Variants in ZFHX3 observed in about 807,000 individuals in gnomAD.
The protein encoded by ZFHX3 is zinc finger homeobox 3, also known as zinc finger homeobox protein 3.
ZFHX3 carries 42 observed loss-of-function variants against 279.1 expected under a neutral mutation model. That is an observed-to-expected ratio of 0.15 (90% CI 0.12 to 0.19). The LOEUF is 0.19. ZFHX3 is among the 10% of genes least tolerant of loss of function. The pLI, the probability that ZFHX3 is intolerant of heterozygous loss-of-function variation, is 1.00. For missense variants in ZFHX3, 4,981 were observed against 4,754.0 expected, an observed-to-expected ratio of 1.05 and a Z score of -1.40; for synonymous variants, 2,293 against 1,957.8, an observed-to-expected ratio of 1.17 and a Z score of -4.52.
intron 1 of ZFHX3, among the ~76,000 whole-genome samples, chr16:73,846,531 G>C (rs1017172018): frequency 1.3e-4 from 20 of 152,142 alleles, no homozygotes; most frequent in Admixed American, 9.8e-4. Flanking sequence ...AGCTGAAATT[G>C]AGAGGCTTTG....
intron 2 of ZFHX3, among the ~76,000 whole-genome samples, chr16:73,586,150 A>G (rs1231426284): frequency 6.6e-6 from 1 of 152,122 alleles, no homozygotes; most frequent in Non-Finnish European, 1.5e-5. Context: ...GCACTTTGGG[A>G]GGCTAAGACA....
At chr16:73,785,731 A>C (rs1483909562) in intron 1 of ZFHX3, among the ~76,000 whole-genome samples, 1 of 152,130 alleles carries the variant, frequency 6.6e-6, no homozygotes, top group African/African-American at 2.4e-5. Context: ...TTATCTTCTC[A>C]TTTCCAGAGC....
At chr16:73,337,447 C>T (rs891179583) in intron 3 of ZFHX3, among the ~76,000 whole-genome samples, 3 of 152,106 alleles carry the variant, frequency 2.0e-5, no homozygotes, top group African/African-American at 7.2e-5. Flanking sequence ...TCTTCATCAC[C>T]TCCCGTTACT....
At chr16:72,807,500 C>T (rs2036300902) in intron 7 of ZFHX3, 1 of 152,160 alleles carries the variant, frequency 6.6e-6, no homozygotes, top group African/African-American at 2.4e-5. Flanking sequence ...GCAGCTGTTA[C>T]CATAGCAACA....
intron 1 of ZFHX3, among the ~76,000 whole-genome samples, chr16:73,701,715 A>G (rs576099485): frequency 6.6e-5 from 10 of 152,260 alleles, no homozygotes; most frequent in African/African-American, 2.2e-4. Flanking sequence ...ACCCTGCTAC[A>G]TAATTCTAAA....
chr16:72,881,076 C>G (rs963045966), intron 4 of ZFHX3, among the ~76,000 whole-genome samples: 1 of 152,196 alleles, frequency 6.6e-6, no homozygotes, highest in South Asian at 2.1e-4. Context: ...TAGCCCCAAA[C>G]CTAGCCTGGG....
intron 1 of ZFHX3, among the ~76,000 whole-genome samples, chr16:73,785,296 T>C (rs971264007): frequency 2.0e-5 from 3 of 152,210 alleles, no homozygotes; most frequent in African/African-American, 7.2e-5. Flanking sequence ...TGCTTTTCTG[T>C]CTGCTCTGTT....
At chr16:73,346,099 T>C (rs1057372741) in intron 3 of ZFHX3, among the ~76,000 whole-genome samples, 1 of 152,180 alleles carries the variant, frequency 6.6e-6, no homozygotes, top group South Asian at 2.1e-4. Context: ...CTGCACCTTT[T>C]GATCAGCCCC....
chr16:72,866,215 T>G (rs116271262), intron 4 of ZFHX3, among the ~76,000 whole-genome samples: 1,970 of 152,296 alleles, frequency 0.013, 34 homozygotes, highest in African/African-American at 0.044. Flanking sequence ...GTGAGAGCAG[T>G]AGCCAGAGAG....
intron 7 of ZFHX3, among the ~76,000 whole-genome samples, chr16:73,109,684 A>G (rs183205488): frequency 1.3e-3 from 204 of 152,220 alleles, no homozygotes; most frequent in African/African-American, 4.7e-3. Context: ...GCCCATCTCT[A>G]CAAAAACCAC....
intron 6 of ZFHX3, among the ~76,000 whole-genome samples, chr16:73,143,014 A>C (rs1428744555): frequency 2.0e-5 from 3 of 152,120 alleles, no homozygotes; most frequent in African/African-American, 7.2e-5. Flanking sequence ...GGTGGTGCTT[A>C]AGTAGAACCA....
At chr16:73,237,489 A>G (rs1276355923) in intron 5 of ZFHX3, among the ~76,000 whole-genome samples, 1 of 150,530 alleles carries the variant, frequency 6.6e-6, no homozygotes, top group East Asian at 1.9e-4. Context: ...ATCCTCCTCC[A>G]AATTGCTGGA....
At chr16:73,615,145 G>GAA (rs59282703) in intron 2 of ZFHX3, among the ~76,000 whole-genome samples, 11 of 101,450 alleles carry the variant, frequency 1.1e-4, no homozygotes, top group African/African-American at 2.6e-4. Flanking sequence ...AGCTATTAAA[G>GAA]AAAAAAAAAA....
chr16:72,798,862 G>A (rs1483159350), intron 8 of ZFHX3, 148 bp from the exon 9 acceptor site: 12 of 1,373,700 alleles, frequency 8.7e-6, no homozygotes, highest in Admixed American at 6.5e-5. Flanking sequence ...GAATCTCTGC[G>A]GAGCGCCTCC....
intron 7 of ZFHX3, among the ~76,000 whole-genome samples, chr16:73,114,338 CT>C (rs965740541): frequency 1.3e-5 from 2 of 152,062 alleles, no homozygotes; most frequent in Admixed American, 1.3e-4. Flanking sequence ...CTAAAGTTAC[CT>C]TTTTAATATT....
rs144953433 is a variant in ZFHX3 at position 73,788,824 on chromosome 16, A to C, written c.-1608+102827T>G. On this transcript the variant is annotated intron_variant, in intron 1 of 17. Coordinates refer to the ZFHX3 transcript ENST00000641206. ...CCCATCTCTACTAAAAATGCAAAAA[A>C]TTAGCTGGGTGTGCCGGCACGTGCC... is the stretch of plus-strand genomic sequence containing the variant. Among the ~76,000 whole-genome samples the C allele has an allele frequency of 5.5e-3, 830 of 151,498 alleles. 7 individuals are homozygous for C. The highest frequency in any genetic ancestry group is 0.019 in the African/African-American group (790 of 41,408).
intron 1 of ZFHX3, among the ~76,000 whole-genome samples, chr16:73,705,055 C>G (rs571732924): frequency 6.6e-6 from 1 of 152,068 alleles, no homozygotes; most frequent in Non-Finnish European, 1.5e-5. Flanking sequence ...GTGTAAACAC[C>G]ATTCAATAGT....
At chr16:73,239,853 G>C (rs1471449950) in intron 5 of ZFHX3, among the ~76,000 whole-genome samples, 3 of 152,172 alleles carry the variant, frequency 2.0e-5, no homozygotes, top group African/African-American at 7.2e-5. Context: ...CAGTAGTTAT[G>C]CTCTGTAAAG....
chr16:72,887,332 T>C (rs1198688589), intron 4 of ZFHX3, among the ~76,000 whole-genome samples: 1 of 152,154 alleles, frequency 6.6e-6, no homozygotes, highest in African/African-American at 2.4e-5. Context: ...GAATTAATCA[T>C]AGGTACCTAG....
Sources: gnomAD v4.1 joint callset for allele counts (sites outside exome capture counted in the v4.1 genomes callset) on GRCh38, gnomAD v4.1.1 for gene constraint, MANE v1.5 for transcripts, NCBI Gene and HGNC (gene_info 2026-07-23, HGNC 2026-07-21) for gene names.